The following SPATA17 variants were observed in gnomAD, a reference collection of about 807,000 sequenced individuals.
The protein encoded by SPATA17 is spermatogenesis associated 17, also known as spermatogenesis-associated protein 17.
A neutral mutation model predicts 62.2 loss-of-function variants in SPATA17; 53 were observed. The ratio of observed to expected loss-of-function variants is 0.85; its 90% CI spans 0.68 to 1.07. The LOEUF is 1.07. SPATA17 is among the 50% of genes least tolerant of loss of function. The pLI, the probability that SPATA17 is intolerant of heterozygous loss-of-function variation, is 0.00. For synonymous variants in SPATA17, 146 were observed against 146.8 expected (o/e 0.99, Z 0.04); for missense variants, 466 against 425.5 (o/e 1.10, Z -0.84).
intron 9 of SPATA17, among the ~76,000 whole-genome samples, chr1:217,831,194 T>C (rs1675130470): frequency 1.3e-5 from 2 of 152,156 alleles, no homozygotes; most frequent in African/African-American, 4.8e-5. Flanking sequence ...GTTATTATGC[T>C]GTCTAACTAG....
chr1:217,720,412 T>A (rs1672098294), intron 5 of SPATA17, among the ~76,000 whole-genome samples: 1 of 152,186 alleles, frequency 6.6e-6, no homozygotes, highest in African/African-American at 2.4e-5. Context: ...TATGACTTCA[T>A]TTTGAGCAAT....
chr1:217,842,897 C>T (rs1441785967), intron 9 of SPATA17, among the ~76,000 whole-genome samples: 1 of 151,952 alleles, frequency 6.6e-6, no homozygotes, highest in African/African-American at 2.4e-5. Flanking sequence ...AAATTTCCCT[C>T]AGAACATGTG....
intron 8 of SPATA17, among the ~76,000 whole-genome samples, chr1:217,797,053 C>G (rs1674167261): frequency 6.6e-6 from 1 of 152,050 alleles, no homozygotes; most frequent in Non-Finnish European, 1.5e-5. Context: ...TAAAACATGT[C>G]TCATCCTATT....
Position 217,651,150 on chromosome 1 carries a change from G to A in SPATA17, c.212G>A (p.Gly71Asp), listed in dbSNP as rs777847272. The change falls in exon 3 of 11, where the codon GGC (glycine) becomes GAC (aspartate). Residue 71 changes from glycine (G) to aspartate (D), a missense_variant. Gly to Asp is a moderately conservative substitution (Grantham distance 94). Coordinates refer to ENST00000366933, the MANE Select transcript of SPATA17 (RefSeq NM_138796.4). ...IIQKWWRSFL[G>D]RKQYQLTVQV... Reference sequence around the variant, plus strand: ...CAAAAATGGTGGAGAAGTTTCTTAGGCAGAAAGCAATATCAACTAACTGTG... The same window carrying A: ...CAAAAATGGTGGAGAAGTTTCTTAGACAGAAAGCAATATCAACTAACTGTG... 3.7e-6 allele frequency: 6 copies of A among 1,609,854 alleles called. No individual in the cohort carries two copies. Among genetic ancestry groups the A allele is most frequent in the Non-Finnish European group, 5.1e-6 (6 of 1,178,768 alleles).
intron 9 of SPATA17, among the ~76,000 whole-genome samples, chr1:217,825,135 G>C (rs1258066281): frequency 6.6e-6 from 1 of 150,666 alleles, no homozygotes; most frequent in Non-Finnish European, 1.5e-5. Context: ...TATTATTTAG[G>C]AATAAAAACA....
chr1:217,673,654 A>G (rs1340953164), intron 4 of SPATA17, among the ~76,000 whole-genome samples: 2 of 152,126 alleles, frequency 1.3e-5, no homozygotes, highest in Admixed American at 6.5e-5. Context: ...GTACAACTGT[A>G]TATCTTCTGA....
At chr1:217,696,094 T>A (rs925921938) in intron 5 of SPATA17, among the ~76,000 whole-genome samples, 1 of 152,322 alleles carries the variant, frequency 6.6e-6, no homozygotes, top group South Asian at 2.1e-4. Context: ...CTGCTAGCCT[T>A]GCTGCCGCCT....
chr1:217,738,936 A>G (rs1489466571), intron 5 of SPATA17, among the ~76,000 whole-genome samples: 1 of 152,232 alleles, frequency 6.6e-6, no homozygotes, highest in Non-Finnish European at 1.5e-5. Context: ...TGGGTGACAG[A>G]GCAAGACTCA....
chr1:217,752,996 C>A (rs911893223), intron 6 of SPATA17, among the ~76,000 whole-genome samples: 1 of 152,006 alleles, frequency 6.6e-6, no homozygotes, highest in African/African-American at 2.4e-5. Flanking sequence ...AAACATGTAC[C>A]CACCTCATCT....
At chr1:217,717,183 T>G (rs1672023882) in intron 5 of SPATA17, among the ~76,000 whole-genome samples, 1 of 148,862 alleles carries the variant, frequency 6.7e-6, no homozygotes, top group Admixed American at 6.6e-5. Context: ...AAAAACTCAC[T>G]TTCATAGATT....
intron 3 of SPATA17, among the ~76,000 whole-genome samples, chr1:217,664,997 G>A (rs969467628): frequency 3.9e-5 from 6 of 152,060 alleles, no homozygotes; most frequent in African/African-American, 9.7e-5. Context: ...AGAAAAAAAC[G>A]TGCAGTAATT....
chr1:217,777,236 T>TA (rs1673616029), intron 7 of SPATA17, among the ~76,000 whole-genome samples: 1 of 152,182 alleles, frequency 6.6e-6, no homozygotes, highest in South Asian at 2.1e-4. Flanking sequence ...TCTTTTTTTT[T>TA]ACTCTCTCAA....
chr1:217,686,069 A>G (rs1479908766), intron 5 of SPATA17, among the ~76,000 whole-genome samples: 1 of 152,154 alleles, frequency 6.6e-6, no homozygotes. Flanking sequence ...AGGCAGCCAC[A>G]AAGAGCCTTG....
At chr1:217,654,717 C>CTTT (rs199930213) in intron 3 of SPATA17, among the ~76,000 whole-genome samples, 5 of 134,606 alleles carry the variant, frequency 3.7e-5, no homozygotes, top group African/African-American at 8.3e-5. Flanking sequence ...TTTACATAAT[C>CTTT]TTTTTTTTTT....
intron 9 of SPATA17, among the ~76,000 whole-genome samples, chr1:217,856,890 A>G (rs533943807): frequency 6.6e-6 from 1 of 152,166 alleles, no homozygotes; most frequent in South Asian, 2.1e-4. Context: ...CTGCCTGTAA[A>G]CTCTCATTTA....
chr1:217,776,030 T>C, intron 7 of SPATA17, among the ~76,000 whole-genome samples: 1 of 152,218 alleles, frequency 6.6e-6, no homozygotes, highest in East Asian at 1.9e-4. Flanking sequence ...CATTTGATGC[T>C]ATATGTCTTT....
chr1:217,749,114 G>A (rs1672838551), intron 6 of SPATA17, among the ~76,000 whole-genome samples: 1 of 152,176 alleles, frequency 6.6e-6, no homozygotes, highest in Admixed American at 6.5e-5. Context: ...TATTTGGAAA[G>A]TATCTTTGGA....
intron 9 of SPATA17, among the ~76,000 whole-genome samples, chr1:217,804,089 C>G (rs985560523): frequency 2.6e-5 from 4 of 151,250 alleles, no homozygotes; most frequent in African/African-American, 7.3e-5. Flanking sequence ...AGACCCTGAA[C>G]AGCCAAAGCA....
intron 9 of SPATA17, among the ~76,000 whole-genome samples, chr1:217,857,099 T>A (rs746987533): frequency 5.3e-5 from 8 of 152,314 alleles, no homozygotes; most frequent in Admixed American, 1.3e-4. Flanking sequence ...GAAAAATATG[T>A]GCATAACCCT....
Sources: allele counts gnomAD v4.1 joint callset (sites outside exome capture counted in the v4.1 genomes callset), GRCh38; gene constraint gnomAD v4.1.1; transcripts MANE v1.5; gene names NCBI Gene and HGNC (gene_info 2026-07-23, HGNC 2026-07-21).